The following CSMD2 variants were observed in gnomAD, a reference collection of about 807,000 sequenced individuals.
CSMD2 encodes CUB and Sushi multiple domains 2.
In CSMD2, 130 loss-of-function variants were observed where a neutral mutation model predicts 398.5. The observed-to-expected ratio is 0.33, with a 90% CI of 0.28 to 0.38. The LOEUF is 0.38. CSMD2 is among the 10% of genes least tolerant of loss of function. CSMD2 has a pLI of 1.00. For synonymous variants in CSMD2, 1,828 were observed against 1,908.5 expected (o/e 0.96, Z 1.10); for missense variants, 3,829 against 4,764.9 (o/e 0.80, Z 5.78).
chr1:33,638,097 C>G (rs1642909272), intron 29 of CSMD2, among the ~76,000 whole-genome samples: 1 of 152,134 alleles, frequency 6.6e-6, no homozygotes, highest in Non-Finnish European at 1.5e-5. Flanking sequence ...GCTCTGGATG[C>G]ACTACTGCAT....
intron 21 of CSMD2, among the ~76,000 whole-genome samples, chr1:33,710,264 T>C (rs1281971332): frequency 6.6e-6 from 1 of 152,138 alleles, no homozygotes; most frequent in Non-Finnish European, 1.5e-5. Flanking sequence ...GCACCTCCCA[T>C]ATTGCACCTT....
intron 15 of CSMD2, among the ~76,000 whole-genome samples, chr1:33,734,784 CAA>C (rs11337287): frequency 7.0e-5 from 9 of 128,950 alleles, no homozygotes; most frequent in African/African-American, 1.3e-4. Context: ...GATTCCATCT[CAA>C]AAAAAAAAAA....
At chr1:34,065,235 A>G (rs1170498886) in intron 2 of CSMD2, among the ~76,000 whole-genome samples, 2 of 151,930 alleles carry the variant, frequency 1.3e-5, no homozygotes, top group Admixed American at 6.6e-5. Context: ...CTTCTCTCCC[A>G]TGTCCAGCTC....
intron 2 of CSMD2, among the ~76,000 whole-genome samples, chr1:34,054,008 T>C (rs1653528530): frequency 6.6e-6 from 1 of 152,170 alleles, no homozygotes; most frequent in Non-Finnish European, 1.5e-5. Flanking sequence ...CAGATTTATA[T>C]AAAAGCTGCA....
At chr1:33,804,551 CTCT>C (rs1430981023) in intron 10 of CSMD2, among the ~76,000 whole-genome samples, 1 of 150,998 alleles carries the variant, frequency 6.6e-6, no homozygotes, top group Non-Finnish European at 1.5e-5. Flanking sequence ...CTTACCTGCA[CTCT>C]TTTTTTTTTT....
chr1:33,543,901 A>C (rs991511811), intron 57 of CSMD2, among the ~76,000 whole-genome samples: 3 of 152,178 alleles, frequency 2.0e-5, no homozygotes, highest in Admixed American at 6.5e-5. Flanking sequence ...CAATGTGTTT[A>C]TTTAAGAATC....
chr1:33,800,676 G>A (rs1655487980), intron 10 of CSMD2, among the ~76,000 whole-genome samples: 1 of 152,182 alleles, frequency 6.6e-6, no homozygotes, highest in Non-Finnish European at 1.5e-5. Flanking sequence ...TGGGAGACAG[G>A]AGGGGCACAA....
At position 33,633,336 on chromosome 1, in the gene CSMD2, T is replaced by G; in HGVS notation, c.5200+86A>C. On this transcript the variant is annotated intron_variant, in intron 32 of 70. Coordinates refer to ENST00000373381, the MANE Select transcript of CSMD2 (RefSeq NM_001281956.2). This position sits in a 1 kb window ranked among gnomAD's most constrained non-coding sequence, Gnocchi z 5.0. ...AGCCGTAGGGTTCCACCTGCGGCCATGGGGTGCTTCTAGAGCCTCCTTCCT... is the reference window on the plus strand; with the variant it reads ...AGCCGTAGGGTTCCACCTGCGGCCAGGGGGTGCTTCTAGAGCCTCCTTCCT... The G allele has an allele frequency of 1.0e-6, 1 of 973,798 alleles. No homozygotes were observed. Among genetic ancestry groups the G allele is most frequent in the Non-Finnish European group, 1.6e-6 (1 of 626,212 alleles). 60.3% of individuals were successfully genotyped at this position (973,798 alleles called of 1,614,324 possible). A position where few individuals can be genotyped will look rare whatever the true frequency, so the allele number is the denominator to read the frequency against.
At chr1:34,055,505 G>A (rs1458092294) in intron 2 of CSMD2, among the ~76,000 whole-genome samples, 1 of 152,074 alleles carries the variant, frequency 6.6e-6, no homozygotes, top group African/African-American at 2.4e-5. Flanking sequence ...AAGATTCCCA[G>A]GACCCCCTCC....
At chr1:33,995,176 G>A (rs1646687148) in intron 3 of CSMD2, among the ~76,000 whole-genome samples, 1 of 152,148 alleles carries the variant, frequency 6.6e-6, no homozygotes, top group Non-Finnish European at 1.5e-5. Flanking sequence ...AGAGAAGAAA[G>A]GTTCTCCAAG....
chr1:33,739,246 G>T lies in CSMD2; in HGVS notation c.2262C>A (p.Ser754=). Residue 754 remains serine, a synonymous_variant, in exon 15 of 71, where the codon TCC becomes TCA. Coordinates refer to ENST00000373381, the MANE Select transcript of CSMD2 (RefSeq NM_001281956.2). ...GDSLQLGSSI[S]FLCDEGFLGT... The stretch of plus-strand genomic sequence containing the variant: ...CAAGGAAGCCTTCATCACAGAGGAA[G>T]GAGATGGAGCTGCCCAGCTGGAGGC... 1 of 1,614,260 alleles carries T rather than the reference G, an allele frequency of 6.2e-7. No homozygotes were observed. The highest frequency in any genetic ancestry group is 8.5e-7 in the Non-Finnish European group (1 of 1,180,046).
chr1:33,845,418 T>C (rs1661259032), intron 6 of CSMD2, among the ~76,000 whole-genome samples: 1 of 152,272 alleles, frequency 6.6e-6, no homozygotes, highest in Non-Finnish European at 1.5e-5. Flanking sequence ...ATCTGGAGAC[T>C]GCCAGGCTTG....
intron 4 of CSMD2, among the ~76,000 whole-genome samples, chr1:33,930,544 C>A (rs1441131194): frequency 1.3e-5 from 2 of 152,236 alleles, no homozygotes; most frequent in Non-Finnish European, 2.9e-5. Flanking sequence ...CTAAGCACTT[C>A]TTGCTCTGGC....
chr1:33,546,239 A>G lies in CSMD2; in HGVS notation c.8918-20T>C, dbSNP rs1245743982. 1.9e-6 allele frequency: 3 copies of G among 1,596,034 alleles called. No individual in the cohort carries two copies. The highest frequency in any genetic ancestry group is 1.3e-5 in the African/African-American group (1 of 74,472). ...TGGTTCCTATGGACCAGAACCACAC[A>G]AATCCCATTATTTTTCAGGGAAGAA... On this transcript the variant is annotated intron_variant, in intron 56 of 70. Transcript: ENST00000373381.
At chr1:33,609,144 G>A (rs1156380443) in intron 41 of CSMD2, among the ~76,000 whole-genome samples, 2 of 152,176 alleles carry the variant, frequency 1.3e-5, no homozygotes, top group South Asian at 2.1e-4. Flanking sequence ...CTCTGTCTGG[G>A]TGCAAGGCCC....
chr1:33,548,336 T>C (rs1657106289), intron 56 of CSMD2, among the ~76,000 whole-genome samples: 1 of 152,180 alleles, frequency 6.6e-6, no homozygotes, highest in Non-Finnish European at 1.5e-5. Flanking sequence ...GACAGGATAT[T>C]GCACCATGGG....
rs1157417011 is a variant in CSMD2, at chr1:34,014,412, C to T, written c.517+18182G>A. The stretch of plus-strand genomic sequence containing the variant: ...TGTCTCCAACTTTATCTCTTCCTAC[C>T]ACTCGTCTCCCTCACTCTGCTCCAG... On this transcript the variant is annotated intron_variant, in intron 3 of 70. Coordinates refer to ENST00000373381, the MANE Select transcript of CSMD2 (RefSeq NM_001281956.2). Among the ~76,000 whole-genome samples, 3 of 152,338 alleles carry T rather than the reference C, an allele frequency of 2.0e-5. No homozygotes were observed. The East Asian group carries it at 5.8e-4, about 29-fold the overall frequency.
intron 13 of CSMD2, among the ~76,000 whole-genome samples, chr1:33,758,536 T>C (rs1229700158): frequency 6.6e-6 from 1 of 152,218 alleles, no homozygotes; most frequent in Non-Finnish European, 1.5e-5. Flanking sequence ...GTATGATTGG[T>C]ACAACAATGA....
rs892860234 is a variant in CSMD2 at position 33,697,885 on chromosome 1, C to T, written c.3925+868G>A. The stretch of plus-strand genomic sequence containing the variant: ...AGACATACATGTGCACCAATTTTGG[C>T]ATGTGGGGCTTGGTAGGCATGTATG... On this transcript the variant is annotated intron_variant, in intron 24 of 70. Transcript: ENST00000373381. Among the ~76,000 whole-genome samples the T allele has an allele frequency of 2.6e-5, 4 of 152,208 alleles. No individual in the cohort carries two copies. The South Asian group carries it at 8.3e-4, about 31-fold the overall frequency.
Sources: allele counts gnomAD v4.1 joint callset (sites outside exome capture counted in the v4.1 genomes callset), GRCh38; gene constraint gnomAD v4.1.1; non-coding constraint Gnocchi (gnomAD v3.1); transcripts MANE v1.5; gene names NCBI Gene and HGNC (gene_info 2026-07-23, HGNC 2026-07-21).